Variants in SGCZ observed in about 807,000 individuals in gnomAD.
SGCZ encodes the protein zeta-sarcoglycan.
Under a neutral mutation model 41.3 loss-of-function variants are expected in SGCZ, and 40 were observed. The observed-to-expected ratio is 0.97, with a 90% CI of 0.75 to 1.26. The LOEUF is 1.26. Ranked by LOEUF, SGCZ falls within the 50% of genes most tolerant of loss-of-function variation. SGCZ has a pLI of 0.00. For synonymous variants in SGCZ, 206 were observed against 137.5 expected, an observed-to-expected ratio of 1.50 and a Z score of -3.49; for missense variants, 552 against 369.8, an observed-to-expected ratio of 1.49 and a Z score of -4.04.
rs192405182 is a variant in SGCZ, at chr8:14,097,018, G to T, written c.744+5358C>A. 1.8e-3 allele frequency among the ~76,000 whole-genome samples: 276 copies of T among 151,844 alleles called. 2 individuals are homozygous for T. The highest frequency in any genetic ancestry group is 0.01 in the Middle Eastern group (3 of 294). ...TCCTTCTTTATTAGTCTGGCTAGCG[G>T]TCTATTTTGTTGATCTTTTCAAAAA... On this transcript the variant is annotated intron_variant, in intron 7 of 7. Transcript: ENST00000382080.
At chr8:14,987,156 T>C (rs1801849561) in intron 1 of SGCZ, among the ~76,000 whole-genome samples, 1 of 151,908 alleles carries the variant, frequency 6.6e-6, no homozygotes, top group Non-Finnish European at 1.5e-5. Context: ...ACAGTGATTC[T>C]GTGATTTCTG....
intron 2 of SGCZ, among the ~76,000 whole-genome samples, chr8:14,502,608 A>G (rs1294501911): frequency 7.1e-6 from 1 of 140,788 alleles, no homozygotes; most frequent in Non-Finnish European, 1.6e-5. Context: ...ACAAATTTAC[A>G]AGAAAAAAAA....
At chr8:14,379,824 C>T (rs1204601122) in intron 2 of SGCZ, among the ~76,000 whole-genome samples, 6 of 151,976 alleles carry the variant, frequency 3.9e-5, no homozygotes, top group Admixed American at 2.6e-4. Context: ...CTCCACCTCC[C>T]GGGTTCAAGT....
intron 1 of SGCZ, among the ~76,000 whole-genome samples, chr8:15,128,049 A>T (rs988564471): frequency 5.3e-5 from 8 of 152,208 alleles, no homozygotes; most frequent in Non-Finnish European, 1.2e-4. Flanking sequence ...TCAGGCTGAA[A>T]ATAAATTGGT....
chr8:14,533,936 G>C (rs970108440), intron 2 of SGCZ, among the ~76,000 whole-genome samples: 1 of 151,932 alleles, frequency 6.6e-6, no homozygotes, highest in East Asian at 1.9e-4. Flanking sequence ...ACAAAAATGA[G>C]AGCAAGCATA....
intron 1 of SGCZ, among the ~76,000 whole-genome samples, chr8:14,706,696 T>C (rs970946195): frequency 6.6e-6 from 1 of 152,226 alleles, no homozygotes; most frequent in South Asian, 2.1e-4. Context: ...AACACACTGA[T>C]GCGTTAAAAT....
intron 1 of SGCZ, among the ~76,000 whole-genome samples, chr8:14,712,120 A>C (rs1274378447): frequency 6.6e-6 from 1 of 152,190 alleles, no homozygotes; most frequent in Non-Finnish European, 1.5e-5. Context: ...AGAAAAACTA[A>C]AGCTTAGCCA....
chr8:14,567,226 C>A (rs563981457), intron 1 of SGCZ, among the ~76,000 whole-genome samples: 1 of 152,218 alleles, frequency 6.6e-6, no homozygotes, highest in Admixed American at 6.5e-5. Context: ...AGTGCAGGCG[C>A]ACGGCTTGGG....
chr8:15,077,265 A>G (rs1222637384), intron 1 of SGCZ, among the ~76,000 whole-genome samples: 2 of 152,246 alleles, frequency 1.3e-5, no homozygotes, highest in African/African-American at 4.8e-5. Context: ...TATGAATCTG[A>G]CAAGAAATAA....
In SGCZ at chr8:14,456,144, C is replaced by T. The variant is rs528502211; in HGVS notation, c.234+98588G>A. ...CAGAGGTAGGACACGCACGGTGGCTCACACCTGTAATCCCAGGACTTTGGG... is the reference window on the plus strand; with the variant it reads ...CAGAGGTAGGACACGCACGGTGGCTTACACCTGTAATCCCAGGACTTTGGG... On this transcript the variant is annotated intron_variant, in intron 2 of 7. Transcript: ENST00000382080. Among the ~76,000 whole-genome samples, 4 of 152,236 alleles carry T rather than the reference C, an allele frequency of 2.6e-5. No homozygotes were observed. In the East Asian group the frequency reaches 5.8e-4, roughly 22 times the overall value.
intron 1 of SGCZ, among the ~76,000 whole-genome samples, chr8:14,607,984 A>C (rs1451255122): frequency 6.6e-6 from 1 of 152,234 alleles, no homozygotes; most frequent in Non-Finnish European, 1.5e-5. Context: ...AAAGTTTCTA[A>C]TGAATAATAG....
At chr8:15,159,305 C>G (rs1206116412) in intron 1 of SGCZ, among the ~76,000 whole-genome samples, 1 of 151,554 alleles carries the variant, frequency 6.6e-6, no homozygotes, top group Non-Finnish European at 1.5e-5. Flanking sequence ...TCACATGTAT[C>G]CTTTCTAGTA....
rs151064455 is a variant in SGCZ, at chr8:15,062,232, G to C, written c.39+175353C>G. Among the ~76,000 whole-genome samples, 157 of 152,026 alleles carry C rather than the reference G, an allele frequency of 1.0e-3. 1 individual carries two copies. The East Asian group carries it at 0.029, about 28-fold the overall frequency. On this transcript the variant is annotated intron_variant, in intron 1 of 7. Transcript: ENST00000382080. ...TTAATGAAAAGGTTAGCTTCTTACA[G>C]CAATAATAAAAAATAGAATGACCTT...
Position 14,394,134 on chromosome 8 carries a change from G to GCGC in SGCZ, c.235-69931_235-69930insGCG, listed in dbSNP as rs1554511262. ...GAACTACTTCATGCACTGCCCTACC[G>GCGC]CCCCCCACCTTTTTTTTTTTTTTTT... On this transcript the variant is annotated intron_variant, in intron 2 of 7. Transcript: ENST00000382080. 2.5e-3 allele frequency among the ~76,000 whole-genome samples: 325 copies of GCGC among 128,758 alleles called. 4 individuals carry two copies. Among genetic ancestry groups the GCGC allele is most frequent in the African/African-American group, 0.01 (302 of 29,962 alleles). The allele number at this position is 128,758 out of a possible 152,430, so 84.5% of individuals were successfully genotyped here. A position where few individuals can be genotyped will look rare whatever the true frequency, so the allele number is the denominator to read the frequency against.
At chr8:14,230,577 A>G (rs1448022222) in intron 4 of SGCZ, among the ~76,000 whole-genome samples, 4 of 152,078 alleles carry the variant, frequency 2.6e-5, no homozygotes, top group Admixed American at 6.6e-5. Context: ...CGTCCTTCCT[A>G]AAAATAGTTT....
chr8:14,887,133 T>C (rs1214998612), intron 1 of SGCZ, among the ~76,000 whole-genome samples: 1 of 152,136 alleles, frequency 6.6e-6, no homozygotes, highest in African/African-American at 2.4e-5. Flanking sequence ...TAAGTGGAAA[T>C]GCCAAACAGA....
chr8:14,112,271 T>G (rs966220391), intron 5 of SGCZ, among the ~76,000 whole-genome samples: 5 of 47,874 alleles, frequency 1.0e-4, no homozygotes, highest in Non-Finnish European at 7.2e-5. Context: ...ATTTTTTGAG[T>G]TTTTTTTTTT....
intron 1 of SGCZ, among the ~76,000 whole-genome samples, chr8:15,035,676 A>G (rs941592091): frequency 6.6e-6 from 1 of 152,120 alleles, no homozygotes; most frequent in Non-Finnish European, 1.5e-5. Flanking sequence ...ACACAAAAAG[A>G]AAACAAGGTT....
chr8:14,343,864 C>T (rs1341251539), intron 2 of SGCZ, among the ~76,000 whole-genome samples: 2 of 151,590 alleles, frequency 1.3e-5, no homozygotes, highest in African/African-American at 4.9e-5. Context: ...ACACCTATCA[C>T]ACCAAGAATT....
Sources: gnomAD v4.1 joint callset for allele counts (sites outside exome capture counted in the v4.1 genomes callset) on GRCh38, gnomAD v4.1.1 for gene constraint, MANE v1.5 for transcripts, NCBI Gene and HGNC (gene_info 2026-07-23, HGNC 2026-07-21) for gene names.